SLC35D4: variants seen among roughly 807,000 people sequenced by gnomAD.
The protein encoded by SLC35D4 is UDP-N-acetylglucosamine transporter SLC35D4.
At chr18:23,437,860 C>A in the SLC35D4 span, 14 of 1,611,636 alleles carry the variant, frequency 8.7e-6, no homozygotes, top group African/African-American at 1.1e-4. Context: ...CATCTGTCAA[C>A]TCGTCCCCTT....
At chr18:23,410,434 C>T in the SLC35D4 span, among the ~76,000 whole-genome samples, 8 of 150,560 alleles carry the variant, frequency 5.3e-5, no homozygotes, top group East Asian at 3.9e-4. Flanking sequence ...GCCGAGATCA[C>T]GCTACTGCAC....
the SLC35D4 span, among the ~76,000 whole-genome samples, chr18:23,286,410 C>G: frequency 7.2e-5 from 11 of 152,272 alleles, no homozygotes; most frequent in African/African-American, 2.6e-4. Flanking sequence ...CACTGGAAAT[C>G]GGATGGAAAT....
At chr18:23,427,485 G>C in the SLC35D4 span, among the ~76,000 whole-genome samples, 2 of 152,066 alleles carry the variant, frequency 1.3e-5, no homozygotes, top group Non-Finnish European at 2.9e-5. Context: ...TCTCACACCA[G>C]TTAGAATGGC....
the SLC35D4 span, chr18:23,258,636 C>G: frequency 6.6e-6 from 1 of 152,218 alleles, no homozygotes; most frequent in Non-Finnish European, 1.5e-5. Context: ...GAGAATTAAA[C>G]TCTTGTTGCT....
At chr18:23,305,136 A>G in the SLC35D4 span, among the ~76,000 whole-genome samples, 86 of 152,348 alleles carry the variant, frequency 5.6e-4, no homozygotes, top group Middle Eastern at 0.014. Flanking sequence ...ACCTATGACA[A>G]TGAGATTTTC....
chr18:23,399,466 T>C, the SLC35D4 span: 1 of 1,073,172 alleles, frequency 9.3e-7, no homozygotes, highest in Admixed American at 2.1e-5. Flanking sequence ...TTATCATTAT[T>C]AAAGTGATTC....
the SLC35D4 span, chr18:23,257,102 G>A: frequency 9.4e-7 from 1 of 1,067,596 alleles, no homozygotes. Context: ...TTCCTCCACA[G>A]AGCTTTGCCC....
the SLC35D4 span, among the ~76,000 whole-genome samples, chr18:23,329,965 CAA>C: frequency 1.3e-5 from 2 of 152,148 alleles, no homozygotes; most frequent in African/African-American, 2.4e-5. Flanking sequence ...AAACCAAACA[CAA>C]CATGTTTTCT....
At chr18:23,366,009 A>C in the SLC35D4 span, among the ~76,000 whole-genome samples, 1 of 152,182 alleles carries the variant, frequency 6.6e-6, no homozygotes, top group Non-Finnish European at 1.5e-5. Context: ...CAAAGCAAAC[A>C]CCAAATTAAA....
chr18:23,253,010 C>T, the SLC35D4 span: 10 of 1,613,840 alleles, frequency 6.2e-6, no homozygotes, highest in East Asian at 4.5e-5. Flanking sequence ...AGGACATGAA[C>T]GAGACCTTCA....
the SLC35D4 span, among the ~76,000 whole-genome samples, chr18:23,405,186 GTTTA>G: frequency 6.6e-6 from 1 of 151,644 alleles, no homozygotes; most frequent in Admixed American, 6.6e-5. Context: ...AATTTCTGTT[GTTTA>G]TTTATTTATT....
chr18:23,249,904 C>T, the SLC35D4 span, among the ~76,000 whole-genome samples: 1 of 152,314 alleles, frequency 6.6e-6, no homozygotes, highest in Admixed American at 6.5e-5. Context: ...TGGAAGCAGC[C>T]ACTCTGGGAG....
chr18:23,397,874 A>G, the SLC35D4 span, among the ~76,000 whole-genome samples: 19 of 152,208 alleles, frequency 1.2e-4, no homozygotes, highest in African/African-American at 3.9e-4. Context: ...GCAACAGAGC[A>G]AGACCCCATC....
At chr18:23,329,440 C>G in the SLC35D4 span, among the ~76,000 whole-genome samples, 3 of 152,266 alleles carry the variant, frequency 2.0e-5, no homozygotes, top group African/African-American at 4.8e-5. Flanking sequence ...ATGCAGCCAA[C>G]AGACACATGA....
chr18:23,418,950 G>T, the SLC35D4 span, among the ~76,000 whole-genome samples: 1 of 151,788 alleles, frequency 6.6e-6, no homozygotes, highest in African/African-American at 2.4e-5. Flanking sequence ...GGAGCTTGCA[G>T]TGAGCTGAGA....
chr18:23,298,157 C>T, the SLC35D4 span: 1 of 1,462,604 alleles, frequency 6.8e-7, no homozygotes, highest in South Asian at 1.2e-5. Context: ...GGGTGCTTCC[C>T]CTCATCCTGC....
chr18:23,256,363 TG>T, the SLC35D4 span, among the ~76,000 whole-genome samples: 1 of 152,360 alleles, frequency 6.6e-6, no homozygotes, highest in African/African-American at 2.4e-5. Flanking sequence ...ACTGTGAAAG[TG>T]GAGACTTCCC....
chr18:23,434,142 A>T, the SLC35D4 span, among the ~76,000 whole-genome samples: 2 of 152,170 alleles, frequency 1.3e-5, no homozygotes, highest in East Asian at 1.9e-4. Flanking sequence ...GTTCAAGCTT[A>T]TAAGAGATAT....
chr18:23,430,485 T>C, the SLC35D4 span: 2 of 599,026 alleles, frequency 3.3e-6, no homozygotes, highest in South Asian at 4.6e-5. Context: ...AAATAGAACA[T>C]AAATGTCTGT....
Sources: allele counts gnomAD v4.1 joint callset (sites outside exome capture counted in the v4.1 genomes callset), GRCh38; gene constraint gnomAD v4.1.1; transcripts MANE v1.5; gene names NCBI Gene and HGNC (gene_info 2026-07-23, HGNC 2026-07-21).